The following DPH6 variants were observed in gnomAD, a reference collection of about 807,000 sequenced individuals.
The protein encoded by DPH6 is diphthine--ammonia ligase.
Under a neutral mutation model 38.2 loss-of-function variants are expected in DPH6, and 33 were observed. The observed-to-expected ratio is 0.86, with a 90% CI of 0.65 to 1.15. DPH6 has a LOEUF of 1.15. DPH6 is among the 50% of genes most tolerant of loss of function. The pLI is 0.00. For synonymous variants in DPH6, 108 were observed against 103.0 expected, an observed-to-expected ratio of 1.05 and a Z score of -0.30; for missense variants, 325 against 320.0, an observed-to-expected ratio of 1.02 and a Z score of -0.12.
At chr15:35,222,579 T>C (rs2140385549) in intron 3 of DPH6, among the ~76,000 whole-genome samples, 2 of 152,218 alleles carry the variant, frequency 1.3e-5, no homozygotes, top group Admixed American at 1.3e-4. Context: ...AATGGTTGCA[T>C]TCTTTTGAGT....
chr15:35,291,266 T>G (rs1024435863), intron 3 of DPH6, among the ~76,000 whole-genome samples: 1 of 152,104 alleles, frequency 6.6e-6, no homozygotes, highest in Non-Finnish European at 1.5e-5. Flanking sequence ...TGTGAGTAAC[T>G]TACATGGTGG....
chr15:35,545,936 AGGG>A (rs747104800), intron 1 of DPH6, among the ~76,000 whole-genome samples, 180 bp downstream of exon 1: 10 of 152,144 alleles, frequency 6.6e-5, no homozygotes, highest in Non-Finnish European at 1.3e-4. Context: ...CGCGCCAGCC[AGGG>A]GCCGAGGCAC....
In DPH6 at chr15:35,267,534, G is replaced by A. The variant is rs530604150; in HGVS notation, n.201-46952C>T. On this transcript the variant is annotated intron_variant and non_coding_transcript_variant, in intron 3 of 3. Coordinates refer to the DPH6 transcript ENST00000560386. ...CCAATCCTAAGAGCTCTTAGCTTCC[G>A]GGGAATTCTAATTATCTCATGCTTG... Among the ~76,000 whole-genome samples, 6 of 152,242 alleles carry A rather than the reference G, an allele frequency of 3.9e-5. No individual in the cohort carries two copies. The East Asian group carries it at 1.2e-3, about 29-fold the overall frequency.
chr15:35,382,016 A>G (rs756823738), intron 6 of DPH6, 100 bp from the exon 7 acceptor site: 12 of 834,470 alleles, frequency 1.4e-5, no homozygotes, highest in Non-Finnish European at 2.1e-5. Flanking sequence ...AAAAACTTTA[A>G]TTCCAAAATA....
intron 8 of DPH6, chr15:35,372,470 G>A (rs923169629): frequency 7.6e-6 from 2 of 263,046 alleles, no homozygotes; most frequent in Non-Finnish European, 1.4e-5. Flanking sequence ...TTGACTTTGT[G>A]TGTGCGTACA....
chr15:35,407,902 T>C (rs1320830017), intron 6 of DPH6, among the ~76,000 whole-genome samples: 2 of 151,988 alleles, frequency 1.3e-5, no homozygotes, highest in African/African-American at 2.4e-5. Context: ...GTTATTCTAA[T>C]TGCAACAAGA....
chr15:35,379,002 C>T (rs996491565), intron 7 of DPH6, among the ~76,000 whole-genome samples: 2 of 152,126 alleles, frequency 1.3e-5, no homozygotes, highest in African/African-American at 2.4e-5. Flanking sequence ...AACAAACCCC[C>T]GAGGTATTGG....
intron 3 of DPH6, among the ~76,000 whole-genome samples, chr15:35,222,007 C>T (rs1226030008): frequency 6.6e-6 from 1 of 152,154 alleles, no homozygotes; most frequent in Non-Finnish European, 1.5e-5. Context: ...AAGTTCTTTG[C>T]CACTTATAAT....
chr15:35,249,568 C>T (rs1181222109), intron 3 of DPH6, among the ~76,000 whole-genome samples: 1 of 151,998 alleles, frequency 6.6e-6, no homozygotes, highest in African/African-American at 2.4e-5. Flanking sequence ...CTTTTAAGAC[C>T]TTCCACAGTC....
At chr15:35,526,670 CACCTA>C (rs2055008187) in intron 3 of DPH6, among the ~76,000 whole-genome samples, 1 of 152,108 alleles carries the variant, frequency 6.6e-6, no homozygotes, top group Non-Finnish European at 1.5e-5. Context: ...AAACTTGGTT[CACCTA>C]ACTTTCACAC....
chr15:35,452,964 T>C (rs1433927476), intron 4 of DPH6, among the ~76,000 whole-genome samples: 1 of 152,306 alleles, frequency 6.6e-6, no homozygotes, highest in East Asian at 1.9e-4. Context: ...AAAAAACTTT[T>C]TGTCCATAAA....
At chr15:35,414,966 C>T (rs1211255574) in intron 5 of DPH6, among the ~76,000 whole-genome samples, 1 of 151,670 alleles carries the variant, frequency 6.6e-6, no homozygotes, top group Non-Finnish European at 1.5e-5. Context: ...AGGGCACTTC[C>T]CATTTCTGTT....
At chr15:35,456,973 T>C (rs2054005071) in intron 3 of DPH6, among the ~76,000 whole-genome samples, 1 of 152,030 alleles carries the variant, frequency 6.6e-6, no homozygotes, top group Non-Finnish European at 1.5e-5. Flanking sequence ...TTTTTATTTA[T>C]TTACTTATTT....
chr15:35,316,777 A>G (rs1196962795), intron 3 of DPH6, among the ~76,000 whole-genome samples: 1 of 152,208 alleles, frequency 6.6e-6, no homozygotes, highest in Non-Finnish European at 1.5e-5. Flanking sequence ...ACTGATGAAA[A>G]CCAAAGACAA....
At chr15:35,383,281 C>T (rs937337382) in intron 6 of DPH6, among the ~76,000 whole-genome samples, 7 of 152,168 alleles carry the variant, frequency 4.6e-5, no homozygotes, top group Non-Finnish European at 8.8e-5. Context: ...CTATGTTAAA[C>T]CAAAATATTA....
chr15:35,260,395 C>T (rs201411477), intron 3 of DPH6, among the ~76,000 whole-genome samples: 11 of 151,812 alleles, frequency 7.2e-5, no homozygotes, highest in Admixed American at 2.0e-4. Context: ...CGTGAGCCAC[C>T]GCGCCCAGCC....
At chr15:35,452,124 C>T (rs1953719912) in intron 4 of DPH6, among the ~76,000 whole-genome samples, 1 of 145,238 alleles carries the variant, frequency 6.9e-6, no homozygotes, top group Non-Finnish European at 1.5e-5. Context: ...AGTTCCTGCA[C>T]TTTATTTCCT....
intron 3 of DPH6, among the ~76,000 whole-genome samples, chr15:35,534,377 C>CAAAAAAAAAAAA (rs55974798): frequency 1.9e-5 from 2 of 104,218 alleles, no homozygotes; most frequent in Non-Finnish European, 4.0e-5. Flanking sequence ...AACTCTGTCT[C>CAAAAAAAAAAAA]AAAAAAAAAA....
intron 3 of DPH6, among the ~76,000 whole-genome samples, chr15:35,325,690 G>A (rs916877023): frequency 2.6e-5 from 4 of 152,000 alleles, no homozygotes; most frequent in Admixed American, 6.6e-5. Flanking sequence ...TTCTTAAAGA[G>A]GACATTGAAA....
Sources: allele counts gnomAD v4.1 joint callset (sites outside exome capture counted in the v4.1 genomes callset), GRCh38; gene constraint gnomAD v4.1.1; transcripts MANE v1.5; gene names NCBI Gene and HGNC (gene_info 2026-07-23, HGNC 2026-07-21).